PIK3C2G: variants seen among roughly 807,000 people sequenced by gnomAD.
PIK3C2G encodes the protein phosphatidylinositol 3-kinase C2 domain-containing subunit gamma.
Under a neutral mutation model 181.1 loss-of-function variants are expected in PIK3C2G, and 168 were observed. That is an observed-to-expected ratio of 0.93 (90% CI 0.82 to 1.05). The LOEUF (loss-of-function observed/expected upper bound fraction) is 1.05. Among genes scored for constraint, PIK3C2G ranks in the 50% least tolerant of loss-of-function variants. The pLI is 0.00. For missense variants in PIK3C2G, 1,869 were observed against 1,732.8 expected, an observed-to-expected ratio of 1.08 and a Z score of -1.40; for synonymous variants, 573 against 592.2, an observed-to-expected ratio of 0.97 and a Z score of 0.47.
chr12:18,569,338 A>ACAGTTTCAT (rs148242472), intron 29 of PIK3C2G, among the ~76,000 whole-genome samples: 6,533 of 151,926 alleles, frequency 0.043, 319 homozygotes, highest in African/African-American at 0.12. Context: ...CCAAATGATC[A>ACAGTTTCAT]CAGTTTCATC....
intron 5 of PIK3C2G, among the ~76,000 whole-genome samples, chr12:18,298,213 C>T (rs894203576): frequency 6.6e-6 from 1 of 151,712 alleles, no homozygotes; most frequent in Non-Finnish European, 1.5e-5. Context: ...ATTTTTATAA[C>T]AGCCATTCTA....
At chr12:18,677,552 GT>G in the PIK3C2G span, among the ~76,000 whole-genome samples, 922 of 152,142 alleles carry the variant, frequency 6.1e-3, 1 homozygote, top group Non-Finnish European at 0.011. Flanking sequence ...CCCCTATGCT[GT>G]TTTCACTGGC....
At chr12:18,550,779 T>G (rs78161887) in intron 26 of PIK3C2G, among the ~76,000 whole-genome samples, 7 of 152,086 alleles carry the variant, frequency 4.6e-5, no homozygotes, top group Middle Eastern at 3.4e-3. Flanking sequence ...CCTTCTCCAC[T>G]AGGCTCACAG....
the PIK3C2G span, chr12:18,701,587 C>G: frequency 1.2e-6 from 2 of 1,612,236 alleles, no homozygotes; most frequent in African/African-American, 1.3e-5. Flanking sequence ...GATTCCAATA[C>G]TTCTGATTCT....
At chr12:18,686,021 A>G in the PIK3C2G span, among the ~76,000 whole-genome samples, 1 of 152,014 alleles carries the variant, frequency 6.6e-6, no homozygotes, top group Non-Finnish European at 1.5e-5. Flanking sequence ...TTTTATCCAA[A>G]TGTTATCCTT....
chr12:18,449,245 T>C (rs1947204286), intron 18 of PIK3C2G, among the ~76,000 whole-genome samples: 1 of 152,152 alleles, frequency 6.6e-6, no homozygotes, highest in Non-Finnish European at 1.5e-5. Context: ...TTGATCATTA[T>C]AGCTTTGTTT....
rs1448205045 is a variant in PIK3C2G, at chr12:18,613,839, C to T, written c.4182+4210C>T. Reference sequence around the variant, plus strand: ...CACTCTACACACAATGTGGTGAGTTCGGTACTTGGCACCAAGTAAATTGTG... The same window carrying T: ...CACTCTACACACAATGTGGTGAGTTTGGTACTTGGCACCAAGTAAATTGTG... On this transcript the variant is annotated intron_variant, in intron 31 of 32. Transcript: ENST00000538779. 3.3e-5 allele frequency among the ~76,000 whole-genome samples: 5 copies of T among 151,984 alleles called. No homozygotes were observed. The East Asian group carries it at 9.6e-4, about 29-fold the overall frequency.
At chr12:18,608,149 T>C (rs7966297) in intron 30 of PIK3C2G, among the ~76,000 whole-genome samples, 35,106 of 151,972 alleles carry the variant, frequency 0.23, 3,999 homozygotes, top group South Asian at 0.24. Flanking sequence ...GTCAGTGTGG[T>C]GATTCCTCAA....
intron 1 of PIK3C2G, among the ~76,000 whole-genome samples, chr12:18,267,245 AG>A (rs914832160): frequency 1.3e-4 from 20 of 152,160 alleles, no homozygotes; most frequent in African/African-American, 4.6e-4. Flanking sequence ...TTCACATCTC[AG>A]TATCTCATTA....
chr12:18,292,547 C>T (rs1483595786), intron 4 of PIK3C2G, among the ~76,000 whole-genome samples: 1 of 151,988 alleles, frequency 6.6e-6, no homozygotes, highest in South Asian at 2.1e-4. Flanking sequence ...AATGATGCTG[C>T]ACCTTGATCC....
chr12:18,357,290 G>C (rs1245168210), intron 11 of PIK3C2G, among the ~76,000 whole-genome samples: 2 of 151,678 alleles, frequency 1.3e-5, no homozygotes, highest in Admixed American at 1.3e-4. Context: ...GTTTTGTCAG[G>C]AGGTGTGGGT....
At chr12:18,547,664 CA>C (rs201278979) in intron 26 of PIK3C2G, among the ~76,000 whole-genome samples, 1 of 151,300 alleles carries the variant, frequency 6.6e-6, no homozygotes, top group Non-Finnish European at 1.5e-5. Context: ...CAAAACAAAA[CA>C]AAAAAAACCC....
intron 9 of PIK3C2G, among the ~76,000 whole-genome samples, chr12:18,342,217 T>C (rs1479914364): frequency 6.6e-6 from 1 of 152,116 alleles, no homozygotes; most frequent in Non-Finnish European, 1.5e-5. Flanking sequence ...GGGGATCTTA[T>C]ATGTAGTTGT....
chr12:18,625,875 T>G (rs1251145985), intron 31 of PIK3C2G, among the ~76,000 whole-genome samples: 2 of 151,918 alleles, frequency 1.3e-5, no homozygotes, highest in Non-Finnish European at 2.9e-5. Flanking sequence ...CAGACTATTG[T>G]TTTTCATCCC....
chr12:18,506,188 A>G (rs1209267491), intron 24 of PIK3C2G, among the ~76,000 whole-genome samples: 4 of 152,098 alleles, frequency 2.6e-5, no homozygotes, highest in Non-Finnish European at 5.9e-5. Flanking sequence ...AGCACATACA[A>G]TAGCAGTGAG....
At chr12:18,411,063 A>C (rs1026639518) in intron 16 of PIK3C2G, among the ~76,000 whole-genome samples, 1 of 152,070 alleles carries the variant, frequency 6.6e-6, no homozygotes, top group East Asian at 1.9e-4. Flanking sequence ...TCTGAGATTC[A>C]TTATTATTCC....
upstream of PIK3C2G, among the ~76,000 whole-genome samples, chr12:18,245,475 T>G (rs999312628): frequency 1.4e-5 from 2 of 137,980 alleles, no homozygotes; most frequent in African/African-American, 5.2e-5. Flanking sequence ...TATTAAAAAT[T>G]ACCCAAGAGT....
the PIK3C2G span, among the ~76,000 whole-genome samples, chr12:18,694,571 T>C: frequency 6.6e-6 from 1 of 152,224 alleles, no homozygotes. Context: ...CGAGAAAAAG[T>C]AACATGCCCA....
At position 18,565,342 on chromosome 12, in the gene PIK3C2G, G is replaced by A. The variant is rs147113595; in HGVS notation, c.3903-1607G>A. Among the ~76,000 whole-genome samples, 767 of 152,178 alleles carry A rather than the reference G, an allele frequency of 5.0e-3. 6 individuals carry two copies. The highest frequency in any genetic ancestry group is 0.017 in the African/African-American group (706 of 41,522). Reference sequence around the variant, plus strand: ...TTCTGGGTAACTTCCAGGGGTACACGACATGAAAATATTCCTTAAAATTAA... The same window carrying A: ...TTCTGGGTAACTTCCAGGGGTACACAACATGAAAATATTCCTTAAAATTAA... On this transcript the variant is annotated intron_variant, in intron 28 of 32. Coordinates refer to ENST00000538779, the MANE Select transcript of PIK3C2G (RefSeq NM_001288772.2).
Sources: allele counts gnomAD v4.1 joint callset (sites outside exome capture counted in the v4.1 genomes callset), GRCh38; gene constraint gnomAD v4.1.1; transcripts MANE v1.5; gene names NCBI Gene and HGNC (gene_info 2026-07-23, HGNC 2026-07-21).